Variants in ATP2C1 observed in about 807,000 individuals in gnomAD.
ATP2C1 encodes calcium-transporting ATPase type 2C member 1.
ATP2C1 carries 31 observed loss-of-function variants against 120.5 expected under a neutral mutation model. The ratio of observed to expected loss-of-function variants is 0.26; its 90% CI spans 0.19 to 0.35. The LOEUF (loss-of-function observed/expected upper bound fraction) is 0.35, where lower values mean the gene tolerates loss of function less well. ATP2C1 is among the 10% of genes least tolerant of loss of function. The pLI, the probability that ATP2C1 is intolerant of heterozygous loss-of-function variation, is 1.00. For synonymous variants in ATP2C1, 351 were observed against 358.7 expected (o/e 0.98, Z 0.24); for missense variants, 731 against 1,107.5 (o/e 0.66, Z 4.83).
intron 1 of ATP2C1, among the ~76,000 whole-genome samples, chr3:130,874,261 G>T (rs1019234549): frequency 9.2e-5 from 14 of 152,136 alleles, no homozygotes; most frequent in Admixed American, 6.5e-5. Flanking sequence ...TCTAATGAGT[G>T]ATAAGGAAAA....
At chr3:130,983,539 T>A (rs2061865594) in intron 20 of ATP2C1, among the ~76,000 whole-genome samples, 1 of 152,260 alleles carries the variant, frequency 6.6e-6, no homozygotes, top group South Asian at 2.1e-4. Flanking sequence ...TCTAGGGGTT[T>A]TGACAAATGC....
At chr3:130,920,321 T>C (rs920411385) in intron 2 of ATP2C1, among the ~76,000 whole-genome samples, 1 of 152,232 alleles carries the variant, frequency 6.6e-6, no homozygotes, top group East Asian at 1.9e-4. Flanking sequence ...TTTCATGTCT[T>C]AGGTTTATTA....
chr3:130,903,251 G>A (rs1240632581), intron 2 of ATP2C1, among the ~76,000 whole-genome samples: 1 of 151,998 alleles, frequency 6.6e-6, no homozygotes, highest in East Asian at 1.9e-4. Context: ...ATTAGCTTTT[G>A]AGGAACACCA....
chr3:130,918,822 T>C (rs545638526), intron 2 of ATP2C1: 231 of 335,720 alleles, frequency 6.9e-4, no homozygotes, highest in African/African-American at 4.6e-3. Flanking sequence ...AAACCCGGTC[T>C]CTACTAAAAA....
intron 13 of ATP2C1, among the ~76,000 whole-genome samples, chr3:130,964,446 A>G (rs929206091): frequency 2.0e-5 from 3 of 152,082 alleles, no homozygotes; most frequent in Non-Finnish European, 4.4e-5. Context: ...CTTGAGTTGA[A>G]TTTGCCTGTA....
downstream of ATP2C1, among the ~76,000 whole-genome samples, chr3:131,005,336 T>C (rs1444328578): frequency 2.0e-5 from 3 of 152,128 alleles, no homozygotes; most frequent in African/African-American, 7.2e-5. Flanking sequence ...CAGGCTGGTC[T>C]CGAACTCCTA....
intron 26 of ATP2C1, among the ~76,000 whole-genome samples, chr3:131,015,475 T>G (rs2109069923): frequency 6.6e-6 from 1 of 152,336 alleles, no homozygotes; most frequent in East Asian, 1.9e-4. Flanking sequence ...CATACCCAGC[T>G]TAAACTCCAC....
chr3:130,939,718 A>C (rs142187266), intron 6 of ATP2C1, among the ~76,000 whole-genome samples: 1 of 152,084 alleles, frequency 6.6e-6, no homozygotes, highest in South Asian at 2.1e-4. Flanking sequence ...GATTTTCCTT[A>C]TATTTGTCAC....
At chr3:131,008,042 G>A (rs961121702), downstream of ATP2C1, among the ~76,000 whole-genome samples, 1 of 152,302 alleles carries the variant, frequency 6.6e-6, no homozygotes, top group Middle Eastern at 3.4e-3. Flanking sequence ...GGGTCTGGAT[G>A]GTTGGATGGT....
At chr3:130,949,110 C>T (rs926004749) in intron 8 of ATP2C1, among the ~76,000 whole-genome samples, 1 of 152,102 alleles carries the variant, frequency 6.6e-6, no homozygotes, top group African/African-American at 2.4e-5. Context: ...ATGTCTTTCA[C>T]TTTAAGTCAA....
intron 12 of ATP2C1, among the ~76,000 whole-genome samples, chr3:130,962,731 A>G (rs1419440126): frequency 3.4e-5 from 5 of 148,216 alleles, no homozygotes; most frequent in Admixed American, 6.7e-5. Context: ...AAAAAAAAAA[A>G]AGAAAAGAAA....
chr3:130,977,419 A>G (rs2061573370), intron 18 of ATP2C1, among the ~76,000 whole-genome samples: 1 of 152,168 alleles, frequency 6.6e-6, no homozygotes, highest in Non-Finnish European at 1.5e-5. Flanking sequence ...CCAGCTATTA[A>G]TAAAGCATTA....
Position 130,894,531 on chromosome 3 carries a change from G to C in ATP2C1, c.-180-59G>C. ...AGGGGGGCTCCCGAGATAGTGGCTG[G>C]GCGGGGAACTCCTTCCTCAGCCTCT... is the stretch of plus-strand genomic sequence containing the variant. On this transcript the variant is annotated intron_variant, in intron 1 of 27. Transcript: ENST00000510168. This position sits in a 1 kb window ranked among gnomAD's most constrained non-coding sequence, Gnocchi z 4.5. 1 of 1,402,474 alleles carries C rather than the reference G, an allele frequency of 7.1e-7. No individual in the cohort carries two copies. Among genetic ancestry groups the C allele is most frequent in the Non-Finnish European group, 9.3e-7 (1 of 1,080,190 alleles). The allele number at this position is 1,402,474 out of a possible 1,614,324, so 86.9% of individuals were successfully genotyped here.
At chr3:130,970,102 G>A (rs1310326269) in intron 17 of ATP2C1, among the ~76,000 whole-genome samples, 1 of 152,182 alleles carries the variant, frequency 6.6e-6, no homozygotes, top group Admixed American at 6.5e-5. Context: ...TGGATCACCT[G>A]AGGTCAGGAG....
chr3:130,975,375 T>C lies in ATP2C1; in HGVS notation c.1457T>C (p.Val486Ala). ...ICFMKGAYEQ[V>A]IKYCTTYQSK... ...TTTATGAAAGGTGCTTACGAACAAGTAATTAAGTACTGTACTACATACCAG... is the reference window on the plus strand; with the variant it reads ...TTTATGAAAGGTGCTTACGAACAAGCAATTAAGTACTGTACTACATACCAG... Residue 486 changes from valine to alanine, a missense_variant, in exon 18 of 28, where the codon GTA (valine) becomes GCA (alanine). Transcript: ENST00000510168. 6.2e-7 allele frequency: 1 copy of C among 1,613,872 alleles called. No homozygotes were observed. Among genetic ancestry groups the C allele is most frequent in the East Asian group, 2.2e-5 (1 of 44,868 alleles).
chr3:130,963,815 T>G (rs1273571383), intron 12 of ATP2C1, 156 bp from the exon 13 acceptor site: 2 of 866,406 alleles, frequency 2.3e-6, no homozygotes, highest in Non-Finnish European at 3.6e-6. Flanking sequence ...AGGTATCCAG[T>G]AAATGTTAAC....
chr3:130,872,304 A>T (rs2068461241), intron 1 of ATP2C1, among the ~76,000 whole-genome samples: 1 of 152,200 alleles, frequency 6.6e-6, no homozygotes, highest in African/African-American at 2.4e-5. Flanking sequence ...AAACATAATT[A>T]TAAAGACTCT....
In ATP2C1 at chr3:130,964,931, A is replaced by G; in HGVS notation, c.1025-17A>G. On this transcript the variant is annotated splice_polypyrimidine_tract_variant and intron_variant, in intron 13 of 27. Transcript: ENST00000510168. ...TCCTTGATTCTTTTGGTGACTTGTA[A>G]TGATTTAATTCTTTAGGCTGCTGTA... 2.5e-6 allele frequency: 4 copies of G among 1,586,544 alleles called. No homozygotes were observed. Among genetic ancestry groups the G allele is most frequent in the Non-Finnish European group, 3.5e-6 (4 of 1,156,576 alleles).
At chr3:130,996,181 A>C in intron 23 of ATP2C1, 70 bp downstream of exon 23, 1 of 1,127,042 alleles carries the variant, frequency 8.9e-7, no homozygotes. Context: ...ACTTAAGCAG[A>C]ATGCCTAGAA....
Sources: allele counts gnomAD v4.1 joint callset (sites outside exome capture counted in the v4.1 genomes callset), GRCh38; gene constraint gnomAD v4.1.1; non-coding constraint Gnocchi (gnomAD v3.1); transcripts MANE v1.5; gene names NCBI Gene and HGNC (gene_info 2026-07-23, HGNC 2026-07-21).